LYRM4: variants seen among roughly 807,000 people sequenced by gnomAD.
The protein encoded by LYRM4 is LYR motif-containing protein 4.
Under a neutral mutation model 11.7 loss-of-function variants are expected in LYRM4, and 9 were observed. The observed-to-expected ratio is 0.77, with a 90% CI of 0.46 to 1.34. The LOEUF (loss-of-function observed/expected upper bound fraction) is 1.34. Ranked by LOEUF, LYRM4 falls within the 40% of genes most tolerant of loss-of-function variation. The pLI is 0.00. For missense variants in LYRM4, 133 were observed against 112.5 expected (o/e 1.18, Z -0.82); for synonymous variants, 42 against 40.4 (o/e 1.04, Z -0.15).
intron 2 of LYRM4, among the ~76,000 whole-genome samples, chr6:5,165,834 C>G (rs769085734): frequency 6.6e-6 from 1 of 152,166 alleles, no homozygotes; most frequent in African/African-American, 2.4e-5. Context: ...TGAGCCACCG[C>G]GCCCGGCCAC....
chr6:5,190,603 A>G (rs1277046618), intron 2 of LYRM4, among the ~76,000 whole-genome samples: 3 of 152,160 alleles, frequency 2.0e-5, no homozygotes, highest in Non-Finnish European at 2.9e-5. Flanking sequence ...CCACAAAATA[A>G]CAGATCCCAT....
downstream of LYRM4, chr6:5,103,628 A>ATTTTTT (rs1491437052): frequency 4.1e-5 from 4 of 98,622 alleles, no homozygotes; most frequent in African/African-American, 4.1e-5. Flanking sequence ...AATATCTGAG[A>ATTTTTT]TATTTTTTTT....
chr6:5,101,005 G>A (rs1418771755), downstream of LYRM4, among the ~76,000 whole-genome samples: 2 of 152,034 alleles, frequency 1.3e-5, no homozygotes, highest in East Asian at 1.9e-4. Flanking sequence ...CCTGCCACAG[G>A]GCCCTAGCTG....
the LYRM4 span, chr6:5,085,227 G>A: frequency 2.2e-6 from 1 of 449,398 alleles, no homozygotes; most frequent in Non-Finnish European, 3.9e-6. Flanking sequence ...CCCCGTCGCG[G>A]GCAGGTTCAA....
the LYRM4 span, among the ~76,000 whole-genome samples, chr6:5,053,825 A>C: frequency 6.6e-6 from 1 of 152,226 alleles, no homozygotes; most frequent in African/African-American, 2.4e-5. Context: ...TCCCAAGGTA[A>C]GTAACCTATC....
intron 2 of LYRM4, among the ~76,000 whole-genome samples, chr6:5,189,558 C>T (rs1053347180): frequency 1.3e-5 from 2 of 152,188 alleles, no homozygotes; most frequent in East Asian, 1.9e-4. Context: ...ACATGCATTT[C>T]GGGTGACTGA....
chr6:5,154,744 G>A (rs1251397840), intron 2 of LYRM4, among the ~76,000 whole-genome samples: 10 of 152,128 alleles, frequency 6.6e-5, no homozygotes, highest in South Asian at 2.1e-4. Context: ...GCGTGAACCC[G>A]GGAGGCGGAG....
chr6:5,209,064 G>A (rs1428992564), intron 2 of LYRM4, among the ~76,000 whole-genome samples: 1 of 152,088 alleles, frequency 6.6e-6, no homozygotes, highest in Non-Finnish European at 1.5e-5. Context: ...AATCTCCTTT[G>A]CCTCTGATGG....
At chr6:5,058,315 G>C in the LYRM4 span, among the ~76,000 whole-genome samples, 4 of 152,328 alleles carry the variant, frequency 2.6e-5, no homozygotes, top group Admixed American at 6.5e-5. Flanking sequence ...GTTCAGAGCT[G>C]CTGGCCTTCC....
At chr6:5,149,547 G>A (rs1757972545) in intron 2 of LYRM4, among the ~76,000 whole-genome samples, 3 of 143,592 alleles carry the variant, frequency 2.1e-5, no homozygotes, top group African/African-American at 7.6e-5. Context: ...CTTCTCCAGA[G>A]AGATATTCTC....
intron 2 of LYRM4, among the ~76,000 whole-genome samples, chr6:5,183,738 A>G (rs1457148436): frequency 6.6e-6 from 1 of 152,220 alleles, no homozygotes; most frequent in African/African-American, 2.4e-5. Flanking sequence ...AGAAATAAAC[A>G]AAATTGGAGA....
chr6:5,083,466 G>A, the LYRM4 span, among the ~76,000 whole-genome samples: 1 of 152,174 alleles, frequency 6.6e-6, no homozygotes, highest in Non-Finnish European at 1.5e-5. Context: ...GTCCAGCAAG[G>A]GGACCGGCAG....
At chr6:5,034,869 C>A in the LYRM4 span, among the ~76,000 whole-genome samples, 8 of 150,538 alleles carry the variant, frequency 5.3e-5, no homozygotes, top group African/African-American at 2.0e-4. Context: ...GACTGGCTCT[C>A]ATGTTCCAGA....
At chr6:5,109,897 C>T (rs1202352233) in intron 2 of LYRM4, among the ~76,000 whole-genome samples, 1 of 152,212 alleles carries the variant, frequency 6.6e-6, no homozygotes, top group African/African-American at 2.4e-5. Flanking sequence ...GAAATGGGCG[C>T]CGTCTATGCT....
chr6:5,233,891 C>T (rs1278420862), intron 1 of LYRM4, among the ~76,000 whole-genome samples: 2 of 152,214 alleles, frequency 1.3e-5, no homozygotes, highest in Non-Finnish European at 2.9e-5. Context: ...TGCTGGGTCA[C>T]GGTCATACAC....
chr6:5,241,805 C>G (rs1763897652), intron 1 of LYRM4, among the ~76,000 whole-genome samples: 1 of 152,078 alleles, frequency 6.6e-6, no homozygotes, highest in South Asian at 2.1e-4. Flanking sequence ...AAGTTCCTGT[C>G]CACAAGGATT....
At chr6:5,098,572 G>A in the LYRM4 span, among the ~76,000 whole-genome samples, 680 of 152,284 alleles carry the variant, frequency 4.5e-3, 6 homozygotes, top group African/African-American at 0.016. Flanking sequence ...GTGTACACAC[G>A]AGCACCAGGA....
chr6:5,127,960 G>C (rs896014568), intron 2 of LYRM4, among the ~76,000 whole-genome samples: 3 of 152,192 alleles, frequency 2.0e-5, no homozygotes, highest in African/African-American at 7.2e-5. Context: ...AAATAGTAGA[G>C]AGAGGGTCCC....
At chr6:5,108,363 C>T, downstream of LYRM4, 3 of 879,048 alleles carry the variant, frequency 3.4e-6, no homozygotes, top group Non-Finnish European at 4.1e-6. Context: ...CCCCAGATGA[C>T]AAGCAAGTTA....
Sources: gnomAD v4.1 joint callset for allele counts (sites outside exome capture counted in the v4.1 genomes callset) on GRCh38, gnomAD v4.1.1 for gene constraint, MANE v1.5 for transcripts, NCBI Gene and HGNC (gene_info 2026-07-23, HGNC 2026-07-21) for gene names.